The following METTL25 variants were observed in gnomAD, a reference collection of about 807,000 sequenced individuals.
The protein encoded by METTL25 is methyltransferase like 25.
METTL25 carries 64 observed loss-of-function variants against 71.6 expected under a neutral mutation model. The observed-to-expected ratio is 0.89, with a 90% CI of 0.73 to 1.10. The LOEUF (loss-of-function observed/expected upper bound fraction) is 1.10. METTL25 is among the 50% of genes least tolerant of loss of function. The pLI, the probability that METTL25 is intolerant of heterozygous loss-of-function variation, is 0.00. For synonymous variants in METTL25, 287 were observed against 250.3 expected (o/e 1.15, Z -1.38); for missense variants, 807 against 707.0 (o/e 1.14, Z -1.60).
intron 9 of METTL25, among the ~76,000 whole-genome samples, chr12:82,475,562 A>G (rs573399309): frequency 2.0e-5 from 3 of 152,240 alleles, no homozygotes; most frequent in African/African-American, 7.2e-5. Flanking sequence ...TTGCAGATAA[A>G]TCTGAGTACA....
At position 82,398,930 on chromosome 12, in the gene METTL25, C is replaced by T; in HGVS notation, c.667C>T (p.His223Tyr). The T allele has an allele frequency of 1.9e-6, 3 of 1,612,226 alleles. No individual in the cohort carries two copies. The highest frequency in any genetic ancestry group is 2.5e-6 in the Non-Finnish European group (3 of 1,179,442). Reference sequence around the variant, plus strand: ...GGAGAGAAACAGAAAATTGAAGAAACATTGGAAACTCTGTCATGCTCAGTC... The same window carrying T: ...GGAGAGAAACAGAAAATTGAAGAAATATTGGAAACTCTGTCATGCTCAGTC... ...AEERNRKLKKHWKLCHAQSRL... is the reference protein window; with the variant it reads ...AEERNRKLKKYWKLCHAQSRL... The change falls in exon 4 of 12, where the codon CAT (histidine) becomes TAT (tyrosine). Residue 223 changes from histidine (H) to tyrosine (Y), a missense_variant. Physicochemically the swap from His to Tyr is moderately conservative, Grantham distance 83. Transcript: ENST00000248306.
chr12:82,464,714 T>G (rs1892116023), intron 9 of METTL25, among the ~76,000 whole-genome samples: 1 of 151,974 alleles, frequency 6.6e-6, no homozygotes, highest in Admixed American at 6.6e-5. Flanking sequence ...GTATGGTCAT[T>G]TTAATATTAT....
chr12:82,455,338 G>C (rs945438861), intron 8 of METTL25, among the ~76,000 whole-genome samples: 11 of 151,820 alleles, frequency 7.2e-5, no homozygotes, highest in Non-Finnish European at 7.4e-5. Context: ...TAATGTGTAT[G>C]TGTAGGATCC....
intron 5 of METTL25, among the ~76,000 whole-genome samples, chr12:82,412,807 G>C (rs1887654093): frequency 6.6e-6 from 1 of 151,666 alleles, no homozygotes; most frequent in Non-Finnish European, 1.5e-5. Context: ...TCACATAAAG[G>C]CTCCAGTTTC....
intron 9 of METTL25, among the ~76,000 whole-genome samples, chr12:82,472,313 C>A (rs1375238953): frequency 4.6e-5 from 7 of 152,014 alleles, no homozygotes; most frequent in African/African-American, 1.4e-4. Context: ...AAAAAAAATT[C>A]TTGGGCCTGG....
chr12:82,389,712 C>G (rs567380040), intron 2 of METTL25, 104 bp from the exon 3 acceptor site: 1 of 652,592 alleles, frequency 1.5e-6, no homozygotes, highest in South Asian at 1.8e-5. Flanking sequence ...AGTAGAATCT[C>G]TGTATTATTT....
At chr12:82,423,423 G>A (rs375570498) in intron 5 of METTL25, among the ~76,000 whole-genome samples, 11 of 151,992 alleles carry the variant, frequency 7.2e-5, no homozygotes, top group African/African-American at 1.2e-4. Context: ...ATGTTAGACC[G>A]AAAACCATAA....
At chr12:82,400,175 A>T (rs4882382) in intron 4 of METTL25, among the ~76,000 whole-genome samples, 145,478 of 151,714 alleles carry the variant, frequency 0.96, 70,053 homozygotes, top group East Asian at 1. Context: ...TACAAAAAAA[A>T]ATATATATTA....
At chr12:82,402,900 A>G in intron 4 of METTL25, 83 bp from the exon 5 acceptor site, 3 of 1,028,866 alleles carry the variant, frequency 2.9e-6, no homozygotes, top group Non-Finnish European at 4.2e-6. Flanking sequence ...ACATTGCAAG[A>G]TCCTGTATGT....
intron 9 of METTL25, among the ~76,000 whole-genome samples, chr12:82,463,696 C>A (rs570654298): frequency 3.0e-4 from 45 of 152,132 alleles, no homozygotes; most frequent in African/African-American, 1.1e-3. Flanking sequence ...TTTACATTCT[C>A]ACCAACAGTC....
At chr12:82,462,872 A>G (rs1005608280) in intron 9 of METTL25, among the ~76,000 whole-genome samples, 1 of 152,136 alleles carries the variant, frequency 6.6e-6, no homozygotes, top group Non-Finnish European at 1.5e-5. Flanking sequence ...TCTAGACTAC[A>G]TATAATACCT....
chr12:82,425,129 A>C (rs773626028), intron 5 of METTL25, among the ~76,000 whole-genome samples: 9 of 152,040 alleles, frequency 5.9e-5, no homozygotes, highest in Non-Finnish European at 1.2e-4. Context: ...AGGTAGTGCA[A>C]AGGTTACAAA....
intron 3 of METTL25, among the ~76,000 whole-genome samples, chr12:82,391,926 A>G (rs979384170): frequency 2.6e-5 from 4 of 151,566 alleles, no homozygotes; most frequent in Non-Finnish European, 4.4e-5. Flanking sequence ...TAGCCTTTCT[A>G]ACTGGGATGA....
intron 1 of METTL25, among the ~76,000 whole-genome samples, chr12:82,381,160 G>C (rs1353503392): frequency 1.3e-5 from 2 of 152,104 alleles, no homozygotes; most frequent in Non-Finnish European, 2.9e-5. Context: ...ATACATGGTA[G>C]GTACCCCTGA....
chr12:82,368,631 G>A (rs1366920450), intron 1 of METTL25, among the ~76,000 whole-genome samples: 1 of 152,168 alleles, frequency 6.6e-6, no homozygotes, highest in Non-Finnish European at 1.5e-5. Flanking sequence ...AAAGGAGACT[G>A]ATAACCAAAA....
At chr12:82,399,644 GTAAAC>G (rs1165944925) in intron 4 of METTL25, among the ~76,000 whole-genome samples, 2 of 152,086 alleles carry the variant, frequency 1.3e-5, no homozygotes, top group Non-Finnish European at 2.9e-5. Flanking sequence ...AAGCTAGTAA[GTAAAC>G]TAAGTTCTCA....
At chr12:82,449,149 A>G (rs1303121785) in intron 8 of METTL25, among the ~76,000 whole-genome samples, 1 of 152,214 alleles carries the variant, frequency 6.6e-6, no homozygotes, top group African/African-American at 2.4e-5. Flanking sequence ...AAAAGAAAGT[A>G]TACTGATTCC....
At chr12:82,443,963 A>G (rs952372771) in intron 8 of METTL25, among the ~76,000 whole-genome samples, 7 of 152,184 alleles carry the variant, frequency 4.6e-5, no homozygotes, top group Non-Finnish European at 8.8e-5. Context: ...TCAAATATTC[A>G]GACTATAGCA....
intron 3 of METTL25, among the ~76,000 whole-genome samples, chr12:82,397,758 A>C (rs544439428): frequency 6.6e-6 from 1 of 152,010 alleles, no homozygotes; most frequent in South Asian, 2.1e-4. Flanking sequence ...ATAAGTGTGG[A>C]TCTATTTCTG....
Sources: allele counts gnomAD v4.1 joint callset (sites outside exome capture counted in the v4.1 genomes callset), GRCh38; gene constraint gnomAD v4.1.1; transcripts MANE v1.5; gene names NCBI Gene and HGNC (gene_info 2026-07-23, HGNC 2026-07-21).